Variants in PCMT1 observed in about 807,000 individuals in gnomAD.
The protein encoded by PCMT1 is protein-L-isoaspartate (D-aspartate) O-methyltransferase.
PCMT1 carries 9 observed loss-of-function variants against 29.2 expected under a neutral mutation model. The ratio of observed to expected loss-of-function variants is 0.31; its 90% CI spans 0.19 to 0.54. The LOEUF (loss-of-function observed/expected upper bound fraction) is 0.54, where lower values mean the gene tolerates loss of function less well. Among genes scored for constraint, PCMT1 ranks in the 20% least tolerant of loss-of-function variants. The pLI is 0.95. For missense variants in PCMT1, 184 were observed against 282.2 expected, an observed-to-expected ratio of 0.65 and a Z score of 2.49; for synonymous variants, 98 against 97.5, an observed-to-expected ratio of 1.00 and a Z score of -0.03.
At chr6:149,775,720 C>T (rs529731695) in intron 3 of PCMT1, among the ~76,000 whole-genome samples, 3 of 151,914 alleles carry the variant, frequency 2.0e-5, no homozygotes, top group Non-Finnish European at 4.4e-5. Flanking sequence ...TAATAATTAA[C>T]GATTGAGGGA....
chr6:149,788,686 C>T (rs1262493366), intron 3 of PCMT1, among the ~76,000 whole-genome samples: 2 of 152,184 alleles, frequency 1.3e-5, no homozygotes, highest in African/African-American at 4.8e-5. Context: ...CCCAGTTTTT[C>T]CACTGGAGAA....
chr6:149,758,786 GT>G (rs1263355136), intron 1 of PCMT1, among the ~76,000 whole-genome samples: 1 of 152,082 alleles, frequency 6.6e-6, no homozygotes, highest in Non-Finnish European at 1.5e-5. Context: ...GCAGAGGAAG[GT>G]ACATATTTTA....
chr6:149,771,426 A>G (rs915609304), intron 2 of PCMT1, among the ~76,000 whole-genome samples, 160 bp downstream of exon 2: 1 of 152,236 alleles, frequency 6.6e-6, no homozygotes, highest in Non-Finnish European at 1.5e-5. Context: ...ACCTATTTTA[A>G]TAAAATTATG....
chr6:149,809,146 C>T (rs534470378), intron 7 of PCMT1, among the ~76,000 whole-genome samples: 14 of 147,504 alleles, frequency 9.5e-5, no homozygotes, highest in Non-Finnish European at 1.6e-4. Flanking sequence ...GTAATCCCAG[C>T]GACTCGGGAG....
In PCMT1 at chr6:149,796,487, T is replaced by C. The variant is rs1788616700; in HGVS notation, c.491T>C (p.Val164Ala). 1 of 1,612,778 alleles carries C rather than the reference T, an allele frequency of 6.2e-7. No homozygotes were observed. Among genetic ancestry groups the C allele is most frequent in the Non-Finnish European group, 8.5e-7 (1 of 1,179,156 alleles). The change falls in exon 6 of 8, where the codon GTT becomes GCT. Residue 164 changes from valine (V) to alanine (A), a missense_variant. Physicochemically the swap from Val to Ala is moderately conservative, Grantham distance 64. Coordinates refer to ENST00000464889, the MANE Select transcript of PCMT1 (RefSeq NM_001360452.2). ...DAIHVGAAAP[V>A]VPQALIDQLK... ...ATTCATGTGGGAGCTGCAGCCCCTGTTGTACCCCAGGCGGTGAGTCGGGAT... is the reference window on the plus strand; with the variant it reads ...ATTCATGTGGGAGCTGCAGCCCCTGCTGTACCCCAGGCGGTGAGTCGGGAT...
chr6:149,764,078 G>C (rs1786969707), intron 1 of PCMT1, among the ~76,000 whole-genome samples: 1 of 152,196 alleles, frequency 6.6e-6, no homozygotes, highest in African/African-American at 2.4e-5. Flanking sequence ...TTGTGACTTT[G>C]AGAGTCTATG....
chr6:149,769,972 C>T (rs997809560), intron 1 of PCMT1, among the ~76,000 whole-genome samples: 1 of 152,020 alleles, frequency 6.6e-6, no homozygotes, highest in Non-Finnish European at 1.5e-5. Flanking sequence ...ATTCACGTCT[C>T]CTGGCTCTAC....
At chr6:149,800,045 G>C (rs528983708) in intron 6 of PCMT1, among the ~76,000 whole-genome samples, 31 of 152,284 alleles carry the variant, frequency 2.0e-4, no homozygotes, top group Admixed American at 1.1e-3. Context: ...GAGCAAGGGT[G>C]GGGTAGGGAG....
chr6:149,773,670 C>T (rs533334447), intron 3 of PCMT1, among the ~76,000 whole-genome samples: 16 of 152,182 alleles, frequency 1.1e-4, no homozygotes, highest in South Asian at 2.1e-4. Context: ...TGAGCCACTG[C>T]GCTTGGCCCA....
At chr6:149,804,199 A>G (rs1422017962) in intron 7 of PCMT1, among the ~76,000 whole-genome samples, 1 of 151,870 alleles carries the variant, frequency 6.6e-6, no homozygotes, top group African/African-American at 2.4e-5. Context: ...TGCTTCTAGT[A>G]TGGTTTATAC....
intron 3 of PCMT1, among the ~76,000 whole-genome samples, chr6:149,777,033 T>A (rs1787599529): frequency 6.6e-6 from 1 of 152,196 alleles, no homozygotes; most frequent in African/African-American, 2.4e-5. Context: ...AAAAGCAATG[T>A]CCACAAATGG....
chr6:149,755,662 C>G (rs1484272106), intron 1 of PCMT1, among the ~76,000 whole-genome samples: 1 of 152,038 alleles, frequency 6.6e-6, no homozygotes, highest in African/African-American at 2.4e-5. Flanking sequence ...TTGATTTTGT[C>G]ATTTTACATA....
chr6:149,753,185 GCCTT>G (rs1048197247), intron 1 of PCMT1, among the ~76,000 whole-genome samples: 1 of 151,964 alleles, frequency 6.6e-6, no homozygotes, highest in Non-Finnish European at 1.5e-5. Flanking sequence ...TGAAAATATT[GCCTT>G]CCTTCCTCAT....
At chr6:149,788,143 T>C (rs1183744011) in intron 3 of PCMT1, among the ~76,000 whole-genome samples, 1 of 151,824 alleles carries the variant, frequency 6.6e-6, no homozygotes, top group African/African-American at 2.4e-5. Flanking sequence ...GGTCTCGATC[T>C]CCTGACCTCG....
intron 1 of PCMT1, among the ~76,000 whole-genome samples, chr6:149,762,880 ATATGTTATATATATCTATGATATATATC>A (rs1786867758): frequency 3.5e-5 from 2 of 56,358 alleles, no homozygotes; most frequent in African/African-American, 3.5e-4. Flanking sequence ...TCTATGATAT[ATATGTTATATATATCTATGATATATATC>A]TATGATATAT....
chr6:149,767,653 C>T (rs1301526179), intron 1 of PCMT1, among the ~76,000 whole-genome samples: 4 of 151,968 alleles, frequency 2.6e-5, no homozygotes, highest in East Asian at 1.9e-4. Context: ...GGGGTCTCTT[C>T]GTGTTGCCCA....
intron 6 of PCMT1, among the ~76,000 whole-genome samples, chr6:149,799,665 ATAG>A (rs909494945): frequency 1.3e-5 from 2 of 152,182 alleles, no homozygotes; most frequent in African/African-American, 4.8e-5. Flanking sequence ...GAAGAGACAG[ATAG>A]TAGGAAAAAC....
intron 1 of PCMT1, among the ~76,000 whole-genome samples, chr6:149,762,073 C>T (rs1562397796): frequency 6.6e-6 from 1 of 152,046 alleles, no homozygotes; most frequent in Non-Finnish European, 1.5e-5. Context: ...ATATGTAAAT[C>T]ATAACTCTTG....
At chr6:149,790,129 C>G (rs567295899) in intron 4 of PCMT1, 71 bp downstream of exon 4, 1 of 856,610 alleles carries the variant, frequency 1.2e-6, no homozygotes, top group South Asian at 1.7e-5. Context: ...GTTTTTTTAA[C>G]TAGTGGTTTT....
Sources: gnomAD v4.1 joint callset for allele counts (sites outside exome capture counted in the v4.1 genomes callset) on GRCh38, gnomAD v4.1.1 for gene constraint, MANE v1.5 for transcripts, NCBI Gene and HGNC (gene_info 2026-07-23, HGNC 2026-07-21) for gene names.